NUDCD1: variants seen among roughly 807,000 people sequenced by gnomAD.
The protein encoded by NUDCD1 is NudC domain containing 1, also known as nudC domain-containing protein 1.
In NUDCD1, 60 loss-of-function variants were observed where a neutral mutation model predicts 67.8. The observed-to-expected ratio is 0.88, with a 90% CI of 0.72 to 1.10. The LOEUF (loss-of-function observed/expected upper bound fraction) is 1.10, where lower values mean the gene tolerates loss of function less well. Among genes scored for constraint, NUDCD1 ranks in the 50% least tolerant of loss-of-function variants. NUDCD1 has a pLI of 0.00. For synonymous variants in NUDCD1, 244 were observed against 230.8 expected, an observed-to-expected ratio of 1.06 and a Z score of -0.52; for missense variants, 643 against 695.0, an observed-to-expected ratio of 0.93 and a Z score of 0.84.
At chr8:109,275,121 T>C (rs994323082) in intron 7 of NUDCD1, among the ~76,000 whole-genome samples, 1 of 152,086 alleles carries the variant, frequency 6.6e-6, no homozygotes, top group African/African-American at 2.4e-5. Flanking sequence ...CATAAACAGA[T>C]ACAGGCAAAC....
chr8:109,268,689 A>G (rs754508492), intron 8 of NUDCD1, among the ~76,000 whole-genome samples: 87 of 152,308 alleles, frequency 5.7e-4, no homozygotes, highest in Non-Finnish European at 1.2e-3. Flanking sequence ...TATAGCACCT[A>G]AAACTATAAC....
At chr8:109,251,610 T>C (rs1813626174) in intron 8 of NUDCD1, among the ~76,000 whole-genome samples, 1 of 152,232 alleles carries the variant, frequency 6.6e-6, no homozygotes, top group South Asian at 2.1e-4. Context: ...GGATCTCCAT[T>C]GACATCCTAA....
In NUDCD1 at chr8:109,246,308, A is replaced by AC. The variant is rs201349219; in HGVS notation, c.1300-828dup. 1.8e-3 allele frequency among the ~76,000 whole-genome samples: 272 copies of AC among 152,322 alleles called. 1 individual carries two copies. The highest frequency in any genetic ancestry group is 6.3e-3 in the African/African-American group (261 of 41,580). On this transcript the variant is annotated intron_variant, in intron 8 of 9. Transcript: ENST00000239690. ...TGAGCACACTCTCATAACATTTATA[A>AC]CCAGGCATGTTATAAATACTAATCT...
intron 4 of NUDCD1, among the ~76,000 whole-genome samples, chr8:109,292,311 C>A (rs1814728532): frequency 6.6e-6 from 1 of 151,948 alleles, no homozygotes; most frequent in African/African-American, 2.4e-5. Context: ...TTACTGTGTT[C>A]CTCCAGAGAT....
chr8:109,331,295 C>T (rs1449431391), intron 1 of NUDCD1, among the ~76,000 whole-genome samples: 1 of 151,760 alleles, frequency 6.6e-6, no homozygotes, highest in Non-Finnish European at 1.5e-5. Context: ...GATCGCGCCA[C>T]TGCACTCCAG....
At chr8:109,251,372 C>T (rs1017617334) in intron 8 of NUDCD1, among the ~76,000 whole-genome samples, 2 of 151,858 alleles carry the variant, frequency 1.3e-5, no homozygotes, top group African/African-American at 4.8e-5. Flanking sequence ...GGGGTTTCAC[C>T]ATCTTGGCCA....
At chr8:109,292,302 T>G (rs1814728130) in intron 4 of NUDCD1, among the ~76,000 whole-genome samples, 4 of 152,076 alleles carry the variant, frequency 2.6e-5, no homozygotes, top group Non-Finnish European at 4.4e-5. Context: ...AGTTTAAAGT[T>G]ACTGTGTTCC....
chr8:109,275,380 C>G lies in NUDCD1; in HGVS notation c.1145G>C (p.Arg382Pro), dbSNP rs1814258428. 1 of 1,613,464 alleles carries G rather than the reference C, an allele frequency of 6.2e-7. No individual in the cohort carries two copies. Among genetic ancestry groups the G allele is most frequent in the Non-Finnish European group, 8.5e-7 (1 of 1,179,596 alleles). ...TTCTTCAGAGGTCAAATGCATCAAA[C>G]GTTCAGCTATTGCAGCACACTGGGC... ...DSAQCAAIAERLMHLTSEELN... is the reference protein window; with the variant it reads ...DSAQCAAIAEPLMHLTSEELN... The change falls in exon 7 of 10, where the codon CGT (arginine) becomes CCT (proline). Residue 382 changes from arginine to proline, a missense_variant. Coordinates refer to ENST00000239690, the MANE Select transcript of NUDCD1 (RefSeq NM_032869.4).
intron 8 of NUDCD1, among the ~76,000 whole-genome samples, chr8:109,260,351 C>T (rs1339608531): frequency 6.6e-6 from 1 of 152,152 alleles, no homozygotes; most frequent in African/African-American, 2.4e-5. Context: ...TGCACCACCA[C>T]ACCTGGCAAA....
In NUDCD1 at chr8:109,322,453, C is replaced by T; in HGVS notation, c.129G>A (p.Glu43=). 6.3e-7 allele frequency: 1 copy of T among 1,586,534 alleles called. No homozygotes were observed. The highest frequency in any genetic ancestry group is 8.6e-7 in the Non-Finnish European group (1 of 1,161,362). Residue 43 remains glutamate (E), a synonymous_variant, in exon 2 of 10, where the codon GAG becomes GAA. Coordinates refer to ENST00000239690, the MANE Select transcript of NUDCD1 (RefSeq NM_032869.4). The part of the protein sequence containing the change: ...YQLELDAAVA[E]VKLRDDQYTL... The stretch of plus-strand genomic sequence containing the variant: ...TATATTGATCATCTCGAAGTTTTAC[C>T]TCTGCCACAGCTGAAATACAAGAAA...
chr8:109,281,152 G>C lies in NUDCD1; in HGVS notation c.844C>G (p.Gln282Glu), dbSNP rs1441281209. The C allele has an allele frequency of 6.2e-7, 1 of 1,611,788 alleles. No homozygotes were observed. The highest frequency in any genetic ancestry group is 8.5e-7 in the Non-Finnish European group (1 of 1,178,530). Residue 282 changes from glutamine to glutamate, a missense_variant, in exon 6 of 10, where the codon CAG becomes GAG. Physicochemically the swap from Gln to Glu is conservative, Grantham distance 29. Coordinates refer to ENST00000239690, the MANE Select transcript of NUDCD1 (RefSeq NM_032869.4). Reference sequence around the variant, plus strand: ...GTTACTGTCAAATCATCTTCAGTCTGTTGCCAGTAATACAGAGGTTCTATT... The same window carrying C: ...GTTACTGTCAAATCATCTTCAGTCTCTTGCCAGTAATACAGAGGTTCTATT... ...KIKEPLYYWQQTEDDLTVTIR... is the reference protein window; with the variant it reads ...KIKEPLYYWQETEDDLTVTIR...
At chr8:109,329,938 T>A in intron 1 of NUDCD1, 1 of 1,505,732 alleles carries the variant, frequency 6.6e-7, no homozygotes, top group East Asian at 2.5e-5. Flanking sequence ...AAGTACTGGT[T>A]ACTATGGCAA....
intron 2 of NUDCD1, among the ~76,000 whole-genome samples, chr8:109,312,667 T>C (rs1815286374): frequency 6.6e-6 from 1 of 152,180 alleles, no homozygotes; most frequent in Admixed American, 6.5e-5. Flanking sequence ...CCTAGTTGTT[T>C]ATCAATAAAG....
chr8:109,312,504 G>T (rs1473128709), intron 2 of NUDCD1, among the ~76,000 whole-genome samples: 3 of 152,070 alleles, frequency 2.0e-5, no homozygotes, highest in Admixed American at 6.5e-5. Flanking sequence ...GTTTTATTAA[G>T]TTTTATGTTT....
At chr8:109,302,318 G>A (rs1439813127) in intron 2 of NUDCD1, among the ~76,000 whole-genome samples, 1 of 152,020 alleles carries the variant, frequency 6.6e-6, no homozygotes, top group East Asian at 1.9e-4. Flanking sequence ...TGATGTCCAG[G>A]CATTCTTTTA....
At chr8:109,265,349 G>A (rs1269929538) in intron 8 of NUDCD1, among the ~76,000 whole-genome samples, 1 of 151,674 alleles carries the variant, frequency 6.6e-6, no homozygotes, top group Non-Finnish European at 1.5e-5. Context: ...GAATGTAAAG[G>A]GGTCCTGAGA....
intron 2 of NUDCD1, among the ~76,000 whole-genome samples, chr8:109,320,999 G>A (rs1325185508): frequency 2.6e-5 from 4 of 152,206 alleles, no homozygotes; most frequent in Non-Finnish European, 4.4e-5. Flanking sequence ...TGGGATCAAG[G>A]AGGCTTCACT....
intron 8 of NUDCD1, among the ~76,000 whole-genome samples, chr8:109,264,559 A>G (rs1448850309): frequency 6.6e-6 from 1 of 152,186 alleles, no homozygotes; most frequent in African/African-American, 2.4e-5. Flanking sequence ...TGTCTCAAAA[A>G]CCAACTGATT....
intron 3 of NUDCD1, among the ~76,000 whole-genome samples, chr8:109,293,872 A>G (rs943283996): frequency 6.6e-6 from 1 of 152,078 alleles, no homozygotes; most frequent in Non-Finnish European, 1.5e-5. Context: ...TACAAAGGCA[A>G]GAGTCAAAAA....
Sources: allele counts gnomAD v4.1 joint callset (sites outside exome capture counted in the v4.1 genomes callset), GRCh38; gene constraint gnomAD v4.1.1; transcripts MANE v1.5; gene names NCBI Gene and HGNC (gene_info 2026-07-23, HGNC 2026-07-21).